The following ARHGEF3 variants were observed in gnomAD, a reference collection of about 807,000 sequenced individuals.
ARHGEF3 encodes Rho guanine nucleotide exchange factor 3, also known as 59.8 kDA protein.
ARHGEF3 carries 28 observed loss-of-function variants against 63.2 expected under a neutral mutation model. The ratio of observed to expected loss-of-function variants is 0.44; its 90% CI spans 0.33 to 0.61. ARHGEF3 has a LOEUF of 0.61. ARHGEF3 is among the 20% of genes least tolerant of loss of function. ARHGEF3 has a pLI of 0.03. For synonymous variants in ARHGEF3, 266 were observed against 254.2 expected (o/e 1.05, Z -0.44); for missense variants, 533 against 659.3 (o/e 0.81, Z 2.10).
At chr3:56,779,476 G>GTTTTTTTTTTTTTTT (rs1189979162) in intron 1 of ARHGEF3, among the ~76,000 whole-genome samples, 1 of 150,854 alleles carries the variant, frequency 6.6e-6, no homozygotes, top group African/African-American at 2.5e-5. Flanking sequence ...AAAATAAAAA[G>GTTTTTTTTTTTTTTT]TTTTTTTTTA....
At chr3:56,807,948 A>T (rs2037922674) in intron 4 of ARHGEF3, among the ~76,000 whole-genome samples, 1 of 151,810 alleles carries the variant, frequency 6.6e-6, no homozygotes, top group South Asian at 2.1e-4. Flanking sequence ...ACATGGTGAA[A>T]CCCCGTCTCT....
chr3:56,772,774 T>C (rs1424914544), intron 2 of ARHGEF3, among the ~76,000 whole-genome samples: 2 of 152,240 alleles, frequency 1.3e-5, no homozygotes, highest in African/African-American at 4.8e-5. Flanking sequence ...CAAGGTGTTA[T>C]GCTATGCCCT....
At chr3:56,955,054 G>A (rs192860933) in intron 3 of ARHGEF3, among the ~76,000 whole-genome samples, 12 of 151,996 alleles carry the variant, frequency 7.9e-5, no homozygotes, top group Admixed American at 3.3e-4. Context: ...ACCTCTCCTC[G>A]AGAGCAATAT....
intron 3 of ARHGEF3, among the ~76,000 whole-genome samples, chr3:56,896,820 T>C (rs1379896819): frequency 6.6e-6 from 1 of 152,244 alleles, no homozygotes; most frequent in Non-Finnish European, 1.5e-5. Context: ...GAAGTGACAA[T>C]GTAGAGTCTT....
rs147150017 is a variant in ARHGEF3, at chr3:56,838,361, C to A, written c.192+43931G>T. On this transcript the variant is annotated intron_variant, in intron 4 of 12. Transcript: ENST00000338458. The stretch of plus-strand genomic sequence containing the variant: ...TCTCTACATAAGACAGAGATTCACT[C>A]CCATATTTTTAGCTGTTAAAATACG... Among the ~76,000 whole-genome samples the A allele has an allele frequency of 3.1e-3, 469 of 152,140 alleles. 3 individuals carry two copies. The highest frequency in any genetic ancestry group is 0.011 in the African/African-American group (443 of 41,492).
chr3:56,833,736 T>C (rs1214933032), intron 4 of ARHGEF3, among the ~76,000 whole-genome samples: 1 of 152,206 alleles, frequency 6.6e-6, no homozygotes, highest in Non-Finnish European at 1.5e-5. Flanking sequence ...TCACAGAATA[T>C]GCACATTTAC....
chr3:57,033,847 C>T (rs111591285), intron 2 of ARHGEF3, among the ~76,000 whole-genome samples: 26 of 152,100 alleles, frequency 1.7e-4, no homozygotes, highest in African/African-American at 6.0e-4. Context: ...GAGTTCGAAA[C>T]CAGCCTGGCC....
At chr3:56,903,674 C>T (rs1294329429) in intron 3 of ARHGEF3, among the ~76,000 whole-genome samples, 3 of 152,158 alleles carry the variant, frequency 2.0e-5, no homozygotes, top group Non-Finnish European at 4.4e-5. Flanking sequence ...TGGATAGCTG[C>T]ATTTGTTTCC....
intron 3 of ARHGEF3, among the ~76,000 whole-genome samples, chr3:56,914,726 A>T (rs1226324900): frequency 6.6e-6 from 1 of 152,240 alleles, no homozygotes; most frequent in Admixed American, 6.5e-5. Flanking sequence ...CATTATGCAA[A>T]GTGAAATAAG....
chr3:56,845,504 C>T (rs920355148), intron 4 of ARHGEF3, among the ~76,000 whole-genome samples: 3 of 152,102 alleles, frequency 2.0e-5, no homozygotes, highest in African/African-American at 4.8e-5. Context: ...GAAATGAGTC[C>T]TACAGCATTA....
At chr3:56,731,368 T>C (rs957151594) in intron 9 of ARHGEF3, among the ~76,000 whole-genome samples, 2 of 151,884 alleles carry the variant, frequency 1.3e-5, no homozygotes, top group African/African-American at 4.8e-5. Flanking sequence ...TTGTCTCTAC[T>C]GAAAATACAA....
intron 4 of ARHGEF3, among the ~76,000 whole-genome samples, chr3:56,816,857 G>A (rs1295823875): frequency 6.6e-6 from 1 of 152,192 alleles, no homozygotes; most frequent in African/African-American, 2.4e-5. Flanking sequence ...AGGGAGTCCT[G>A]AGGCCAGAGC....
At chr3:57,024,986 A>G (rs933145376) in intron 2 of ARHGEF3, among the ~76,000 whole-genome samples, 1 of 152,204 alleles carries the variant, frequency 6.6e-6, no homozygotes, top group African/African-American at 2.4e-5. Flanking sequence ...CAAATGCTGC[A>G]CCTGGACTCC....
rs1553754802 is a variant in ARHGEF3 at position 56,789,020 on chromosome 3, A to ATGATGC, written c.96+12682_96+12683insGCATCA. On this transcript the variant is annotated intron_variant, in intron 1 of 9. Transcript: ENST00000296315. ...CTCAACTGATCTACGTTCAAGATAGATGCTGCTGCTGCTGCTGCTGCTGCT... is the reference window on the plus strand; with the variant it reads ...CTCAACTGATCTACGTTCAAGATAGATGATGCTGCTGCTGCTGCTGCTGCTGCTGCT... Among the ~76,000 whole-genome samples, 10 of 149,224 alleles carry ATGATGC rather than the reference A, an allele frequency of 6.7e-5. No individual in the cohort carries two copies. The South Asian group carries it at 8.8e-4, about 13-fold the overall frequency.
intron 1 of ARHGEF3, among the ~76,000 whole-genome samples, chr3:57,035,498 G>A (rs1015708782): frequency 2.0e-5 from 3 of 152,132 alleles, no homozygotes; most frequent in Non-Finnish European, 4.4e-5. Flanking sequence ...ACAGGCACAC[G>A]CCACCACACC....
intron 1 of ARHGEF3, among the ~76,000 whole-genome samples, chr3:57,042,757 C>T (rs1264033220): frequency 8.0e-5 from 11 of 138,030 alleles, no homozygotes; most frequent in African/African-American, 3.0e-4. Flanking sequence ...AGTACAGTGG[C>T]GTGATCTCAG....
chr3:57,006,933 A>C (rs1035278860), intron 2 of ARHGEF3, among the ~76,000 whole-genome samples: 2 of 152,168 alleles, frequency 1.3e-5, no homozygotes, highest in South Asian at 4.1e-4. Context: ...CTTTAAGCCC[A>C]AAACTCCTGA....
intron 3 of ARHGEF3, among the ~76,000 whole-genome samples, chr3:56,919,595 T>C (rs1400814242): frequency 1.3e-5 from 2 of 152,190 alleles, no homozygotes; most frequent in Admixed American, 1.3e-4. Flanking sequence ...CTTCTCATTG[T>C]CCATTCCTCT....
intron 4 of ARHGEF3, among the ~76,000 whole-genome samples, chr3:56,853,872 T>C (rs866626480): frequency 1.3e-4 from 20 of 152,068 alleles, no homozygotes; most frequent in African/African-American, 4.6e-4. Flanking sequence ...TGTTTGAGGG[T>C]CAGGGGAGGG....
Sources: allele counts gnomAD v4.1 joint callset (sites outside exome capture counted in the v4.1 genomes callset), GRCh38; gene constraint gnomAD v4.1.1; transcripts MANE v1.5; gene names NCBI Gene and HGNC (gene_info 2026-07-23, HGNC 2026-07-21).